Variants in KCTD16 observed in about 807,000 individuals in gnomAD.
The protein encoded by KCTD16 is BTB/POZ domain-containing protein KCTD16.
A neutral mutation model predicts 33.2 loss-of-function variants in KCTD16; 13 were observed. That is an observed-to-expected ratio of 0.39 (90% confidence interval 0.25 to 0.62). The LOEUF (loss-of-function observed/expected upper bound fraction) is 0.62. KCTD16 is among the 20% of genes least tolerant of loss of function. The pLI is 0.50. For synonymous variants in KCTD16, 197 were observed against 195.3 expected, an observed-to-expected ratio of 1.01 and a Z score of -0.07; for missense variants, 441 against 525.1, an observed-to-expected ratio of 0.84 and a Z score of 1.57.
intron 3 of KCTD16, among the ~76,000 whole-genome samples, chr5:144,426,526 G>GT (rs925751215): frequency 3.3e-5 from 5 of 151,690 alleles, no homozygotes; most frequent in African/African-American, 7.3e-5. Context: ...ATTTTCAGGT[G>GT]TTTTTTTTAA....
chr5:144,429,291 G>A (rs1753403675), intron 3 of KCTD16, among the ~76,000 whole-genome samples: 1 of 152,128 alleles, frequency 6.6e-6, no homozygotes, highest in Non-Finnish European at 1.5e-5. Flanking sequence ...AAGATTGGGA[G>A]GATACTGGCA....
Position 144,425,667 on chromosome 5 carries a change from T to C in KCTD16, c.833-47993T>C, listed in dbSNP as rs551456682. Among the ~76,000 whole-genome samples, 54 of 151,864 alleles carry C rather than the reference T, an allele frequency of 3.6e-4. 2 individuals are homozygous for C. Among genetic ancestry groups the C allele is most frequent in the Middle Eastern group, 6.8e-3 (2 of 294 alleles). ...GACTTATGGCTTCTACCTTCTGGAG[T>C]AGCAGCATGTACCACGCCTGGACTC... On this transcript the variant is annotated intron_variant, in intron 3 of 3. Coordinates refer to ENST00000512467, the MANE Select transcript of KCTD16 (RefSeq NM_020768.4).
At chr5:144,436,980 CTG>C (rs1386161176) in intron 3 of KCTD16, among the ~76,000 whole-genome samples, 1 of 152,058 alleles carries the variant, frequency 6.6e-6, no homozygotes, top group Non-Finnish European at 1.5e-5. Flanking sequence ...ACATTCTTGG[CTG>C]TTGATGATAA....
intron 3 of KCTD16, among the ~76,000 whole-genome samples, chr5:144,356,415 A>C (rs1209710036): frequency 1.3e-5 from 2 of 152,076 alleles, no homozygotes; most frequent in Admixed American, 1.3e-4. Context: ...AATGGTCTTC[A>C]GTTTTTTTTC....
chr5:144,434,640 C>A (rs955865082), intron 3 of KCTD16, among the ~76,000 whole-genome samples: 7 of 152,076 alleles, frequency 4.6e-5, no homozygotes, highest in Admixed American at 4.6e-4. Context: ...CTGGACAAAC[C>A]TAATGATGTT....
chr5:144,391,715 T>TA (rs1752453363), intron 3 of KCTD16, among the ~76,000 whole-genome samples: 1 of 152,218 alleles, frequency 6.6e-6, no homozygotes, highest in Non-Finnish European at 1.5e-5. Context: ...CCATTTGCAA[T>TA]AATGGATGAA....
chr5:144,301,240 C>CAAAAAA (rs5871873), intron 3 of KCTD16, among the ~76,000 whole-genome samples: 5 of 74,700 alleles, frequency 6.7e-5, no homozygotes, highest in African/African-American at 1.5e-4. Flanking sequence ...GATTCCATCT[C>CAAAAAA]AAAAAAAAAA....
At chr5:144,285,724 A>G (rs916895156) in intron 3 of KCTD16, among the ~76,000 whole-genome samples, 1 of 152,122 alleles carries the variant, frequency 6.6e-6, no homozygotes, top group African/African-American at 2.4e-5. Flanking sequence ...TACATTCTAC[A>G]TTGCTGTCTG....
At chr5:144,256,485 A>G (rs1329010920) in intron 3 of KCTD16, among the ~76,000 whole-genome samples, 1 of 152,198 alleles carries the variant, frequency 6.6e-6, no homozygotes, top group African/African-American at 2.4e-5. Context: ...AGAATCACCC[A>G]TAGGTTAGTT....
intron 2 of KCTD16, among the ~76,000 whole-genome samples, chr5:144,196,541 T>C (rs889626588): frequency 1.3e-5 from 2 of 152,220 alleles, no homozygotes; most frequent in Non-Finnish European, 2.9e-5. Flanking sequence ...TAATTGCAGC[T>C]TCTATGTCCT....
chr5:144,465,793 T>C (rs948279414), intron 3 of KCTD16, among the ~76,000 whole-genome samples: 2 of 150,852 alleles, frequency 1.3e-5, no homozygotes, highest in African/African-American at 4.9e-5. Context: ...TTTGTTTTTT[T>C]TTTTTTTTGC....
At chr5:144,339,923 A>G (rs778032689) in intron 3 of KCTD16, among the ~76,000 whole-genome samples, 1 of 152,184 alleles carries the variant, frequency 6.6e-6, no homozygotes, top group Non-Finnish European at 1.5e-5. Flanking sequence ...CTCTCTCAAT[A>G]GTGAGTAATA....
intron 3 of KCTD16, among the ~76,000 whole-genome samples, chr5:144,225,552 TTGTGTGTG>T (rs10550980): frequency 0.014 from 1,950 of 138,280 alleles, 13 homozygotes; most frequent in Admixed American, 0.022. Context: ...CAAAAATAAA[TTGTGTGTG>T]TGTGTGTGTG....
chr5:144,389,186 A>G (rs533253892), intron 3 of KCTD16, among the ~76,000 whole-genome samples: 1 of 152,332 alleles, frequency 6.6e-6, no homozygotes, highest in Admixed American at 6.5e-5. Flanking sequence ...TGCTGAAGGT[A>G]GAAATCATCA....
chr5:144,415,170 C>T (rs954693327), intron 3 of KCTD16, among the ~76,000 whole-genome samples: 4 of 152,086 alleles, frequency 2.6e-5, no homozygotes, highest in Non-Finnish European at 4.4e-5. Context: ...GAGCCAATCT[C>T]GTCCTTTTGT....
At chr5:144,259,588 T>A (rs947926869) in intron 3 of KCTD16, among the ~76,000 whole-genome samples, 1 of 152,214 alleles carries the variant, frequency 6.6e-6, no homozygotes, top group Non-Finnish European at 1.5e-5. Flanking sequence ...GAAATGGGTG[T>A]TTCCATTTGT....
At chr5:144,208,319 C>T (rs1487499384) in intron 3 of KCTD16, among the ~76,000 whole-genome samples, 1 of 152,188 alleles carries the variant, frequency 6.6e-6, no homozygotes, top group African/African-American at 2.4e-5. Context: ...AACAATGATA[C>T]TGAAGCCTTT....
chr5:144,417,520 CAGAT>C (rs893539626), intron 3 of KCTD16, among the ~76,000 whole-genome samples: 3 of 152,192 alleles, frequency 2.0e-5, no homozygotes, highest in South Asian at 2.1e-4. Flanking sequence ...AAAAAATTAT[CAGAT>C]AGATGATTTG....
At chr5:144,336,615 G>A (rs951924013) in intron 3 of KCTD16, among the ~76,000 whole-genome samples, 9 of 152,248 alleles carry the variant, frequency 5.9e-5, no homozygotes, top group Admixed American at 4.6e-4. Flanking sequence ...TGTTTCCCAC[G>A]TTTTTAAATG....
Sources: gnomAD v4.1 joint callset for allele counts (sites outside exome capture counted in the v4.1 genomes callset) on GRCh38, gnomAD v4.1.1 for gene constraint, MANE v1.5 for transcripts, NCBI Gene and HGNC (gene_info 2026-07-23, HGNC 2026-07-21) for gene names.